The following HPSE2 variants were observed in gnomAD, a reference collection of about 807,000 sequenced individuals.
The protein encoded by HPSE2 is heparanase 2 (inactive).
A neutral mutation model predicts 60.5 loss-of-function variants in HPSE2; 38 were observed. The observed-to-expected ratio is 0.63, with a 90% confidence interval of 0.48 to 0.82. HPSE2 has a LOEUF of 0.82. Ranked by LOEUF, HPSE2 falls within the 40% of genes least tolerant of loss-of-function variation. HPSE2 has a pLI of 0.00. For missense variants in HPSE2, 713 were observed against 740.4 expected (o/e 0.96, Z 0.43); for synonymous variants, 295 against 293.2 (o/e 1.01, Z -0.06).
chr10:98,818,577 A>G lies in HPSE2; in HGVS notation c.611-74521T>C, dbSNP rs80204306. 1.6e-3 allele frequency among the ~76,000 whole-genome samples: 251 copies of G among 152,248 alleles called. 8 individuals are homozygous for G. The East Asian group carries it at 0.036, about 22-fold the overall frequency. On this transcript the variant is annotated intron_variant, in intron 3 of 11. Transcript: ENST00000370552. The stretch of plus-strand genomic sequence containing the variant: ...CCAGGTGTTGTGGATCCCTGCTCTA[A>G]CAGGCCTCCAAAGCAATATTGCCTT...
rs193112436 is a variant in HPSE2 at position 98,862,838 on chromosome 10, C to T, written c.611-118782G>A. On this transcript the variant is annotated intron_variant, in intron 3 of 11. Coordinates refer to ENST00000370552, the MANE Select transcript of HPSE2 (RefSeq NM_021828.5). ...GGGACATGGTGTGATCATAGCTCAC[C>T]GTAACCTTGAACTTCCGGCTCAAGC... Among the ~76,000 whole-genome samples, 8 of 152,224 alleles carry T rather than the reference C, an allele frequency of 5.3e-5. No homozygotes were observed. The East Asian group carries it at 1.2e-3, about 22-fold the overall frequency.
At chr10:98,970,815 T>G (rs1459304858) in intron 3 of HPSE2, among the ~76,000 whole-genome samples, 1 of 152,096 alleles carries the variant, frequency 6.6e-6, no homozygotes. Context: ...AAGTTTCCCA[T>G]GGCATAAAGC....
chr10:98,899,758 CTTTTTTTTTTT>C (rs61080994), intron 3 of HPSE2, among the ~76,000 whole-genome samples: 2 of 118,370 alleles, frequency 1.7e-5, no homozygotes, highest in Non-Finnish European at 3.5e-5. Context: ...TTGGCAGTGT[CTTTTTTTTTTT>C]TTTTTTTTTT....
chr10:99,042,207 C>T (rs146911451), intron 3 of HPSE2, among the ~76,000 whole-genome samples: 174 of 152,108 alleles, frequency 1.1e-3, no homozygotes, highest in African/African-American at 4.1e-3. Context: ...TTTCCTGCAC[C>T]GACAGCACAC....
chr10:99,262,586 C>T, the HPSE2 span, among the ~76,000 whole-genome samples: 1 of 152,160 alleles, frequency 6.6e-6, no homozygotes, highest in African/African-American at 2.4e-5. Flanking sequence ...TATCCCATCC[C>T]ACAGCATGCT....
At chr10:98,752,809 G>A (rs1949789148) in intron 3 of HPSE2, among the ~76,000 whole-genome samples, 1 of 152,144 alleles carries the variant, frequency 6.6e-6, no homozygotes, top group South Asian at 2.1e-4. Context: ...ATCAACAGAT[G>A]AATGGATAAA....
the HPSE2 span, among the ~76,000 whole-genome samples, chr10:99,268,529 C>T: frequency 6.6e-6 from 1 of 151,074 alleles, no homozygotes; most frequent in East Asian, 2.0e-4. Context: ...ACCTATAATC[C>T]CAGCTACCTG....
intron 5 of HPSE2, among the ~76,000 whole-genome samples, chr10:98,704,927 A>G (rs573383220): frequency 6.6e-6 from 1 of 152,310 alleles, no homozygotes; most frequent in East Asian, 1.9e-4. Context: ...AATTAAACTA[A>G]GAGCTTCTGC....
At chr10:98,482,598 TGCACTTGCTCCCGA>T in intron 11 of HPSE2, 24 bp downstream of exon 11, 1 of 1,613,504 alleles carries the variant, frequency 6.2e-7, no homozygotes, top group Non-Finnish European at 8.5e-7. Flanking sequence ...CAGCTCCTGC[TGCACTTGCTCCCGA>T]GCTATTTTCA....
At chr10:98,691,632 T>C (rs1486236652) in intron 6 of HPSE2, among the ~76,000 whole-genome samples, 2 of 152,174 alleles carry the variant, frequency 1.3e-5, no homozygotes, top group Non-Finnish European at 2.9e-5. Flanking sequence ...CCAGATAGCC[T>C]TTTTGGTGAG....
intron 3 of HPSE2, among the ~76,000 whole-genome samples, chr10:99,066,326 C>T (rs1259142523): frequency 6.6e-6 from 1 of 152,066 alleles, no homozygotes; most frequent in Non-Finnish European, 1.5e-5. Flanking sequence ...AAAGATCTCT[C>T]AAATAAGTGA....
intron 3 of HPSE2, among the ~76,000 whole-genome samples, chr10:98,935,791 G>A (rs1200837064): frequency 1.4e-5 from 2 of 145,098 alleles, no homozygotes; most frequent in Non-Finnish European, 3.0e-5. Flanking sequence ...GAGGCAGTCT[G>A]TCCCTTAGCA....
At chr10:98,546,135 T>G (rs1395681220) in intron 9 of HPSE2, among the ~76,000 whole-genome samples, 1 of 135,550 alleles carries the variant, frequency 7.4e-6, no homozygotes, top group African/African-American at 2.5e-5. Flanking sequence ...TACAAGCCAC[T>G]GCTCAATGAA....
chr10:99,157,283 C>T (rs1225024204), intron 2 of HPSE2, among the ~76,000 whole-genome samples: 2 of 56,272 alleles, frequency 3.6e-5, no homozygotes, highest in African/African-American at 1.1e-4. Context: ...AAAAAGAGCC[C>T]GCATCGCCAA....
At chr10:99,215,116 C>A (rs1022921069) in intron 2 of HPSE2, among the ~76,000 whole-genome samples, 2 of 152,056 alleles carry the variant, frequency 1.3e-5, no homozygotes, top group Non-Finnish European at 2.9e-5. Flanking sequence ...ATAACTCACC[C>A]GGCCCAACCT....
chr10:99,239,277 TA>T (rs1849909165), upstream of HPSE2, among the ~76,000 whole-genome samples: 1 of 152,196 alleles, frequency 6.6e-6, no homozygotes, highest in South Asian at 2.1e-4. Context: ...TCTTCATAGA[TA>T]AATTGCTTTG....
At position 98,523,009 on chromosome 10, in the gene HPSE2, G is replaced by A. The variant is rs555337202; in HGVS notation, c.1321-32813C>T. 7.2e-5 allele frequency among the ~76,000 whole-genome samples: 11 copies of A among 152,268 alleles called. No individual in the cohort carries two copies. In the South Asian group the frequency reaches 8.3e-4, roughly 11 times the overall value. On this transcript the variant is annotated intron_variant, in intron 9 of 11. Transcript: ENST00000370552. Reference sequence around the variant, plus strand: ...ATACAGCAGGATTTTTCTGGGCTGCGGCTTAATTCTTCCTATATGGATGCT... The same window carrying A: ...ATACAGCAGGATTTTTCTGGGCTGCAGCTTAATTCTTCCTATATGGATGCT...
chr10:98,603,439 G>T lies in HPSE2; in HGVS notation c.1320+11465C>A, dbSNP rs371388397. Among the ~76,000 whole-genome samples the T allele has an allele frequency of 4.1e-3, 588 of 144,192 alleles. 1 individual carries two copies. The highest frequency in any genetic ancestry group is 0.027 in the East Asian group (130 of 4,840). 94.6% of individuals were successfully genotyped at this position (144,192 alleles called of 152,430 possible). A position where few individuals can be genotyped will look rare whatever the true frequency, so the allele number is the denominator to read the frequency against. ...ATACGCCAGAGCACTCTGTTTTTTT[G>T]TTTTTTTTTTTGACAGAGTCTTGCT... On this transcript the variant is annotated intron_variant, in intron 9 of 11. Coordinates refer to ENST00000370552, the MANE Select transcript of HPSE2 (RefSeq NM_021828.5).
intron 9 of HPSE2, among the ~76,000 whole-genome samples, chr10:98,603,245 G>T (rs1945478890): frequency 6.6e-6 from 1 of 152,130 alleles, no homozygotes; most frequent in Admixed American, 6.5e-5. Flanking sequence ...TGGAGGCTCA[G>T]TGTGGACAAG....
Sources: allele counts gnomAD v4.1 joint callset (sites outside exome capture counted in the v4.1 genomes callset), GRCh38; gene constraint gnomAD v4.1.1; transcripts MANE v1.5; gene names NCBI Gene and HGNC (gene_info 2026-07-23, HGNC 2026-07-21).